The following PLSCR4 variants were observed in gnomAD, a reference collection of about 807,000 sequenced individuals.
PLSCR4 encodes Ca(2+)-dependent phospholipid scramblase 4.
In PLSCR4, 25 loss-of-function variants were observed where a neutral mutation model predicts 36.3. The observed-to-expected ratio is 0.69, with a 90% confidence interval of 0.50 to 0.96. The LOEUF (loss-of-function observed/expected upper bound fraction) is 0.96, where lower values mean the gene tolerates loss of function less well. Ranked by LOEUF, PLSCR4 falls within the 40% of genes least tolerant of loss-of-function variation. The probability of loss-of-function intolerance (pLI) is 0.00; values close to 1 mark genes in which losing one functional copy is unlikely to be tolerated. For synonymous variants in PLSCR4, 122 were observed against 132.9 expected (o/e 0.92, Z 0.56); for missense variants, 408 against 414.7 (o/e 0.98, Z 0.14).
chr3:146,235,598 T>C (rs2035882884), intron 1 of PLSCR4, among the ~76,000 whole-genome samples: 1 of 152,176 alleles, frequency 6.6e-6, no homozygotes, highest in Admixed American at 6.5e-5. Context: ...AGTGGGGCAC[T>C]GCTATAAAGA....
intron 4 of PLSCR4, among the ~76,000 whole-genome samples, chr3:146,203,625 C>CT (rs953466693): frequency 1.3e-5 from 2 of 151,924 alleles, no homozygotes; most frequent in African/African-American, 2.4e-5. Flanking sequence ...ACAAAAGTGC[C>CT]TTTTTTCCCC....
At chr3:146,240,986 A>G (rs2036127653) in intron 1 of PLSCR4, among the ~76,000 whole-genome samples, 1 of 152,156 alleles carries the variant, frequency 6.6e-6, no homozygotes, top group Admixed American at 6.5e-5. Flanking sequence ...CCCTACAATG[A>G]AATATGACTC....
At chr3:146,240,789 TAG>T (rs1385501229) in intron 1 of PLSCR4, among the ~76,000 whole-genome samples, 2 of 152,210 alleles carry the variant, frequency 1.3e-5, no homozygotes, top group Non-Finnish European at 2.9e-5. Context: ...AGATTAAACA[TAG>T]AGTTTCATTA....
At chr3:146,196,907 A>AT in intron 6 of PLSCR4, 114 bp from the exon 7 acceptor site, 1 of 912,762 alleles carries the variant, frequency 1.1e-6, no homozygotes. Context: ...TAGGGAAATT[A>AT]TTGTTGGGAG....
chr3:146,229,883 C>T (rs911927976), intron 1 of PLSCR4, among the ~76,000 whole-genome samples: 1 of 152,092 alleles, frequency 6.6e-6, no homozygotes, highest in Non-Finnish European at 1.5e-5. Flanking sequence ...CTCAGCCTCC[C>T]AAAGTGCTGG....
chr3:146,221,896 A>G (rs2035161596), intron 2 of PLSCR4, among the ~76,000 whole-genome samples, 169 bp downstream of exon 2: 1 of 152,046 alleles, frequency 6.6e-6, no homozygotes, highest in Non-Finnish European at 1.5e-5. Context: ...GTCTATATAC[A>G]TAAATAACAA....
At chr3:146,239,073 T>C (rs1168365625) in intron 1 of PLSCR4, among the ~76,000 whole-genome samples, 1 of 152,106 alleles carries the variant, frequency 6.6e-6, no homozygotes. Flanking sequence ...CTGAAAACCA[T>C]GAAATGTTGA....
chr3:146,210,242 C>T (rs1480605053), intron 3 of PLSCR4, among the ~76,000 whole-genome samples: 1 of 151,460 alleles, frequency 6.6e-6, no homozygotes, highest in Non-Finnish European at 1.5e-5. Context: ...TTTTTGAATC[C>T]ATGGATGAAG....
At chr3:146,236,674 T>G (rs112936813) in intron 1 of PLSCR4, among the ~76,000 whole-genome samples, 2,458 of 152,258 alleles carry the variant, frequency 0.016, 64 homozygotes, top group African/African-American at 0.057. Flanking sequence ...ACCATGATTG[T>G]GAGGTCTCCC....
intron 1 of PLSCR4, among the ~76,000 whole-genome samples, chr3:146,229,144 G>C (rs577430547): frequency 1.3e-5 from 2 of 152,096 alleles, no homozygotes; most frequent in African/African-American, 2.4e-5. Context: ...CCTGGGTTCC[G>C]GGAAAGCAAT....
In PLSCR4 at chr3:146,201,068, T is replaced by C; in HGVS notation, c.364A>G (p.Ile122Val). ...GGCTCAAAATGCTGAAGAACATGTA[T>C]GTTGTCCAACTGTTGGGATAAAACA... ...GLEYLVQLDN[I>V]HVLQHFEPLE... Residue 122 changes from isoleucine to valine, a missense_variant, in exon 5 of 9, where the codon ATA becomes GTA. Coordinates refer to ENST00000354952, the MANE Select transcript of PLSCR4 (RefSeq NM_020353.3). 1.3e-6 allele frequency: 2 copies of C among 1,553,280 alleles called. No individual in the cohort carries two copies. The highest frequency in any genetic ancestry group is 1.7e-6 in the Non-Finnish European group (2 of 1,156,950).
At chr3:146,236,553 GAGTA>G (rs1204663613) in intron 1 of PLSCR4, among the ~76,000 whole-genome samples, 1 of 152,110 alleles carries the variant, frequency 6.6e-6, no homozygotes, top group Admixed American at 6.6e-5. Context: ...TTCTGATAAT[GAGTA>G]AGTCTTATGA....
chr3:146,220,023 T>C (rs2035067881), intron 3 of PLSCR4, among the ~76,000 whole-genome samples: 1 of 152,102 alleles, frequency 6.6e-6, no homozygotes, highest in South Asian at 2.1e-4. Flanking sequence ...CATAACACAA[T>C]GGTTTCTACT....
At chr3:146,221,303 GATTTT>G (rs2035131679) in intron 2 of PLSCR4, among the ~76,000 whole-genome samples, 1 of 152,122 alleles carries the variant, frequency 6.6e-6, no homozygotes, top group African/African-American at 2.4e-5. Flanking sequence ...GAGTGAAGTT[GATTTT>G]TTTTCCTAAT....
At position 146,195,255 on chromosome 3, in the gene PLSCR4, T is replaced by C. The variant is rs959353383; in HGVS notation, c.814A>G (p.Ile272Val). Residue 272 changes from isoleucine (I) to valine (V), a missense_variant, in exon 8 of 9, where the codon ATC (isoleucine) becomes GTC (valine). Coordinates refer to ENST00000354952, the MANE Select transcript of PLSCR4 (RefSeq NM_020353.3). ...TTCCACTTCCGGATAATACTGCCGA[T>C]GTTGGATATGCCATCAAGGGATTTG... ...EVKSLDGISN[I>V]GSIIRKWNGL... The C allele has an allele frequency of 6.2e-6, 10 of 1,613,636 alleles. No homozygotes were observed. Among genetic ancestry groups the C allele is most frequent in the African/African-American group, 5.3e-5 (4 of 74,910 alleles).
chr3:146,197,278 G>C (rs186215793), intron 6 of PLSCR4, among the ~76,000 whole-genome samples: 5 of 152,136 alleles, frequency 3.3e-5, no homozygotes, highest in Admixed American at 6.5e-5. Context: ...ATTTTCTCAG[G>C]ATAAGTAAAA....
intron 3 of PLSCR4, among the ~76,000 whole-genome samples, chr3:146,215,197 T>C (rs147831639): frequency 6.6e-6 from 1 of 152,152 alleles, no homozygotes; most frequent in African/African-American, 2.4e-5. Flanking sequence ...TTTGAAAATA[T>C]AGTCAACTAG....
chr3:146,236,113 G>T (rs2035904546), intron 1 of PLSCR4, among the ~76,000 whole-genome samples: 1 of 152,130 alleles, frequency 6.6e-6, no homozygotes, highest in South Asian at 2.1e-4. Flanking sequence ...CCATTTTCAG[G>T]GGAGGAATTC....
At chr3:146,199,124 T>C (rs903827963) in intron 6 of PLSCR4, among the ~76,000 whole-genome samples, 68 of 152,270 alleles carry the variant, frequency 4.5e-4, no homozygotes, top group African/African-American at 1.6e-3. Context: ...CTATGATGTA[T>C]TATACTACCC....
Sources: allele counts gnomAD v4.1 joint callset (sites outside exome capture counted in the v4.1 genomes callset), GRCh38; gene constraint gnomAD v4.1.1; transcripts MANE v1.5; gene names NCBI Gene and HGNC (gene_info 2026-07-23, HGNC 2026-07-21).